The following FAM107B variants were observed in gnomAD, a reference collection of about 807,000 sequenced individuals.
FAM107B encodes the protein family with sequence similarity 107 member B.
In FAM107B, 21 loss-of-function variants were observed where a neutral mutation model predicts 31.5. The ratio of observed to expected loss-of-function variants is 0.67; its 90% CI spans 0.47 to 0.96. FAM107B has a LOEUF of 0.96. FAM107B is among the 40% of genes least tolerant of loss of function. FAM107B has a pLI of 0.00. For missense variants in FAM107B, 452 were observed against 377.1 expected, an observed-to-expected ratio of 1.20 and a Z score of -1.64; for synonymous variants, 157 against 141.5, an observed-to-expected ratio of 1.11 and a Z score of -0.78.
intron 3 of FAM107B, among the ~76,000 whole-genome samples, chr10:14,525,342 T>C (rs1846112172): frequency 6.7e-6 from 1 of 149,006 alleles, no homozygotes; most frequent in Non-Finnish European, 1.5e-5. Context: ...GTCAGGTAGC[T>C]ACCTGTGACT....
intron 2 of FAM107B, among the ~76,000 whole-genome samples, chr10:14,571,001 G>A (rs955513367): frequency 2.0e-5 from 3 of 152,024 alleles, no homozygotes; most frequent in African/African-American, 7.3e-5. Flanking sequence ...ATAGGCTGGG[G>A]GCCTTAAACA....
intron 1 of FAM107B, among the ~76,000 whole-genome samples, chr10:14,716,504 T>C (rs1264207902): frequency 6.6e-6 from 1 of 152,344 alleles, no homozygotes; most frequent in East Asian, 1.9e-4. Flanking sequence ...AAGGTCATCA[T>C]GCTTTTCAGA....
Position 14,738,213 on chromosome 10 carries a change from C to T in FAM107B, c.411+36040G>A, listed in dbSNP as rs118067106. Among the ~76,000 whole-genome samples the T allele has an allele frequency of 1.1e-3, 173 of 152,232 alleles. 1 individual carries two copies. Among genetic ancestry groups the T allele is most frequent in the Admixed American group, 2.5e-3 (38 of 15,284 alleles). ...AAATGACTGGATTGGAATCCAAATC[C>T]GCATGTGACACCAGGGTGCAGGTTA... is the stretch of plus-strand genomic sequence containing the variant. On this transcript the variant is annotated intron_variant, in intron 1 of 4. Transcript: ENST00000181796.
chr10:14,713,883 A>G (rs1240985350), intron 1 of FAM107B, among the ~76,000 whole-genome samples: 1 of 152,188 alleles, frequency 6.6e-6, no homozygotes, highest in East Asian at 1.9e-4. Context: ...TTGCAGCAAC[A>G]TGGATGGAGT....
chr10:14,586,085 T>C (rs1851819770), intron 2 of FAM107B, among the ~76,000 whole-genome samples: 1 of 152,138 alleles, frequency 6.6e-6, no homozygotes, highest in Non-Finnish European at 1.5e-5. Context: ...ACAAAATACC[T>C]GGGCAAGGGC....
chr10:14,562,291 T>C (rs1850310216), intron 2 of FAM107B, among the ~76,000 whole-genome samples: 1 of 152,248 alleles, frequency 6.6e-6, no homozygotes. Context: ...CATCACAGTC[T>C]ACACTTCAAA....
chr10:14,731,416 G>T (rs1256082571), intron 1 of FAM107B, among the ~76,000 whole-genome samples: 1 of 152,044 alleles, frequency 6.6e-6, no homozygotes, highest in African/African-American at 2.4e-5. Flanking sequence ...ACAAAAATTA[G>T]CCAGGCATGG....
At chr10:14,596,705 A>G (rs766500266) in intron 2 of FAM107B, among the ~76,000 whole-genome samples, 22 of 152,130 alleles carry the variant, frequency 1.4e-4, no homozygotes, top group Admixed American at 2.6e-4. Flanking sequence ...AACAGAATTC[A>G]CCCACCGCAG....
intron 1 of FAM107B, among the ~76,000 whole-genome samples, chr10:14,710,431 TACACACACA>T (rs1855616609): frequency 6.8e-6 from 1 of 146,420 alleles, no homozygotes; most frequent in Non-Finnish European, 1.5e-5. Context: ...TCTCTAAAAA[TACACACACA>T]CACACACACA....
intron 1 of FAM107B, among the ~76,000 whole-genome samples, chr10:14,730,170 T>G (rs765027934): frequency 4.6e-5 from 7 of 152,222 alleles, no homozygotes; most frequent in Non-Finnish European, 7.3e-5. Context: ...CAAACCTGCA[T>G]GTTCTGCACA....
chr10:14,590,983 CCATCTCAAAAAAA>C (rs1851999866), intron 2 of FAM107B, among the ~76,000 whole-genome samples: 1 of 86,232 alleles, frequency 1.2e-5, no homozygotes, highest in Admixed American at 1.4e-4. Context: ...GAGCAAAACT[CCATCTCAAAAAAA>C]AAAAAAAAAA....
At chr10:14,527,104 T>TG (rs1846340932) in intron 3 of FAM107B, among the ~76,000 whole-genome samples, 1 of 151,956 alleles carries the variant, frequency 6.6e-6, no homozygotes. Flanking sequence ...CCCAAAGTGC[T>TG]GGGATTACAG....
intron 2 of FAM107B, among the ~76,000 whole-genome samples, chr10:14,651,422 A>G (rs999309618): frequency 6.6e-6 from 1 of 152,124 alleles, no homozygotes; most frequent in Non-Finnish European, 1.5e-5. Context: ...CCTGACCAAC[A>G]TGGAGAGACC....
At chr10:14,582,375 C>CT (rs71388188) in intron 2 of FAM107B, among the ~76,000 whole-genome samples, 1,633 of 112,066 alleles carry the variant, frequency 0.015, 84 homozygotes, top group African/African-American at 0.049. Context: ...TTTTTCTTTT[C>CT]TTTTTTTTTT....
intron 2 of FAM107B, among the ~76,000 whole-genome samples, chr10:14,600,420 T>C (rs922393291): frequency 1.2e-4 from 19 of 152,212 alleles, no homozygotes; most frequent in Admixed American, 2.0e-4. Flanking sequence ...CAGCAGGCTC[T>C]GAACTGATGG....
At chr10:14,735,874 C>T (rs572476432) in intron 1 of FAM107B, among the ~76,000 whole-genome samples, 1 of 152,158 alleles carries the variant, frequency 6.6e-6, no homozygotes, top group East Asian at 1.9e-4. Context: ...ACTACATTTC[C>T]TAGTGACATT....
Position 14,522,298 on chromosome 10 carries a change from G to A in FAM107B, c.654-279C>T. 3 of 391,354 alleles carry A rather than the reference G, an allele frequency of 7.7e-6. No individual in the cohort carries two copies. In the South Asian group the frequency reaches 9.5e-5, roughly 12 times the overall value. 24.2% of individuals were successfully genotyped at this position (391,354 alleles called of 1,614,324 possible). Reference sequence around the variant, plus strand: ...ACACTAGGCTACGCAAAGGAGGGCAGTGAGGGTGGGGATGTGCGTACGATG... The same window carrying A: ...ACACTAGGCTACGCAAAGGAGGGCAATGAGGGTGGGGATGTGCGTACGATG... On this transcript the variant is annotated intron_variant, in intron 3 of 4. Coordinates refer to ENST00000181796, the MANE Select transcript of FAM107B (RefSeq NM_031453.4).
chr10:14,571,750 T>G, intron 2 of FAM107B: 7 of 983,120 alleles, frequency 7.1e-6, no homozygotes, highest in Non-Finnish European at 8.5e-6. Context: ...AAAGTCCCAG[T>G]GTTTATTCTT....
chr10:14,546,987 T>C (rs902930640), intron 2 of FAM107B, among the ~76,000 whole-genome samples: 3 of 152,206 alleles, frequency 2.0e-5, no homozygotes, highest in Non-Finnish European at 2.9e-5. Context: ...ACCTCCTAGA[T>C]AAAAGTTGTT....
Sources: allele counts gnomAD v4.1 joint callset (sites outside exome capture counted in the v4.1 genomes callset), GRCh38; gene constraint gnomAD v4.1.1; transcripts MANE v1.5; gene names NCBI Gene and HGNC (gene_info 2026-07-23, HGNC 2026-07-21).